The following CYP2C19 variants were observed in gnomAD, a reference collection of about 807,000 sequenced individuals.
The protein encoded by CYP2C19 is cytochrome P450 2C19.
CYP2C19 carries 59 observed loss-of-function variants against 40.9 expected under a neutral mutation model. The observed-to-expected ratio is 1.44, with a 90% confidence interval of 1.17 to 1.79. CYP2C19 has a LOEUF of 1.79. Ranked by LOEUF, CYP2C19 falls within the 40% of genes most tolerant of loss-of-function variation. CYP2C19 has a pLI of 0.00. For synonymous variants in CYP2C19, 253 were observed against 208.7 expected (o/e 1.21, Z -1.83); for missense variants, 754 against 596.9 (o/e 1.26, Z -2.74).
chr10:94,796,549 G>T (rs954074870), intron 5 of CYP2C19, among the ~76,000 whole-genome samples: 23 of 152,086 alleles, frequency 1.5e-4, no homozygotes, highest in Non-Finnish European at 3.1e-4. Context: ...TTGGTATCTT[G>T]ATGGGGATGG....
At chr10:94,840,689 T>G (rs1380676441) in intron 6 of CYP2C19, among the ~76,000 whole-genome samples, 1 of 152,216 alleles carries the variant, frequency 6.6e-6, no homozygotes, top group Non-Finnish European at 1.5e-5. Flanking sequence ...GGCTGCGCCA[T>G]GATCTCAACC....
chr10:94,847,129 A>G (rs572405648), intron 7 of CYP2C19, among the ~76,000 whole-genome samples: 5 of 151,992 alleles, frequency 3.3e-5, no homozygotes, highest in Non-Finnish European at 7.4e-5. Context: ...CACAACGTGC[A>G]GGTTAGTTAC....
At chr10:94,837,096 G>T (rs1054361835) in intron 6 of CYP2C19, among the ~76,000 whole-genome samples, 2 of 152,166 alleles carry the variant, frequency 1.3e-5, no homozygotes, top group African/African-American at 4.8e-5. Context: ...GCTTCCTCTG[G>T]TATTTGGGAA....
rs180996688 is a variant in CYP2C19 at position 94,822,956 on chromosome 10, T to G, written c.961+2319T>G. Among the ~76,000 whole-genome samples, 240 of 152,274 alleles carry G rather than the reference T, an allele frequency of 1.6e-3. 1 individual carries two copies. Among genetic ancestry groups the G allele is most frequent in the Non-Finnish European group, 2.7e-3 (187 of 68,016 alleles). On this transcript the variant is annotated intron_variant, in intron 6 of 8. Coordinates refer to ENST00000371321, the MANE Select transcript of CYP2C19 (RefSeq NM_000769.4). The stretch of plus-strand genomic sequence containing the variant: ...TTTTGCTTGTTAATTTGTTTTAGTT[T>G]TTTATAGATTTGGGATATTAGCTGT...
At chr10:94,788,387 T>C (rs1848569651) in intron 5 of CYP2C19, among the ~76,000 whole-genome samples, 1 of 152,078 alleles carries the variant, frequency 6.6e-6, no homozygotes, top group Admixed American at 6.6e-5. Context: ...AGTAGAAGGA[T>C]GGGTATTTTT....
chr10:94,851,697 T>C (rs1849657161), intron 8 of CYP2C19, among the ~76,000 whole-genome samples: 1 of 152,056 alleles, frequency 6.6e-6, no homozygotes, highest in Non-Finnish European at 1.5e-5. Context: ...TGTATCCTCA[T>C]GTGGCAGAAG....
intron 1 of CYP2C19, among the ~76,000 whole-genome samples, chr10:94,770,534 A>G (rs1589817403): frequency 1.3e-5 from 2 of 152,156 alleles, no homozygotes; most frequent in Non-Finnish European, 2.9e-5. Flanking sequence ...TGAGGTTGCC[A>G]GTTTTAATAA....
At chr10:94,828,600 G>A (rs1236728823) in intron 6 of CYP2C19, among the ~76,000 whole-genome samples, 1 of 149,004 alleles carries the variant, frequency 6.7e-6, no homozygotes, top group South Asian at 2.2e-4. Flanking sequence ...ACACTGATGG[G>A]TCTTGACTCT....
In CYP2C19 at chr10:94,855,354, G is replaced by T. The variant is rs1286418231; in HGVS notation, c.*2440G>T. Among the ~76,000 whole-genome samples the T allele has an allele frequency of 6.6e-6, 1 of 152,158 alleles. No individual in the cohort carries two copies. The highest frequency in any genetic ancestry group is 2.4e-5 in the African/African-American group (1 of 41,430). On this transcript the variant is annotated 3_prime_UTR_variant, in exon 9 of 9. Coordinates refer to ENST00000371321, the MANE Select transcript of CYP2C19 (RefSeq NM_000769.4). ...TTTTTAAGTGTCAGAGCCAACAATT[G>T]GACAAGGGCAATCTGACTGGAAAGT...
chr10:94,838,362 C>A (rs2134283260), intron 6 of CYP2C19, among the ~76,000 whole-genome samples: 1 of 152,278 alleles, frequency 6.6e-6, no homozygotes, highest in Admixed American at 6.5e-5. Flanking sequence ...GCAATTCTCT[C>A]ATTTGGGGTT....
chr10:94,777,189 A>T (rs183116015), intron 3 of CYP2C19, among the ~76,000 whole-genome samples: 159 of 152,244 alleles, frequency 1.0e-3, no homozygotes, highest in Non-Finnish European at 1.8e-3. Context: ...ATGCTCATGA[A>T]TAGTAAGAAT....
chr10:94,827,414 T>A lies in CYP2C19; in HGVS notation c.961+6777T>A, dbSNP rs577814512. On this transcript the variant is annotated intron_variant, in intron 6 of 8. Transcript: ENST00000371321. ...GGGAGAGTGTATGTGTCGAGGAATG[T>A]ATCCATTTCTTCTAGATTTTCTAGT... 2.0e-5 allele frequency among the ~76,000 whole-genome samples: 3 copies of A among 152,020 alleles called. No individual in the cohort carries two copies. In the South Asian group the frequency reaches 6.2e-4, roughly 31 times the overall value.
At chr10:94,809,356 T>G (rs1000531277) in intron 5 of CYP2C19, among the ~76,000 whole-genome samples, 1 of 152,140 alleles carries the variant, frequency 6.6e-6, no homozygotes, top group African/African-American at 2.4e-5. Context: ...GAGGGGTAGT[T>G]TTCAATTATT....
intron 5 of CYP2C19, among the ~76,000 whole-genome samples, chr10:94,793,945 C>T (rs1005504463): frequency 1.3e-5 from 2 of 152,140 alleles, no homozygotes; most frequent in African/African-American, 4.8e-5. Flanking sequence ...TCAGCTATGC[C>T]CTGCCCCCAA....
intron 6 of CYP2C19, among the ~76,000 whole-genome samples, chr10:94,840,288 G>T (rs999912581): frequency 2.8e-5 from 4 of 142,958 alleles, no homozygotes; most frequent in Non-Finnish European, 3.0e-5. Flanking sequence ...CTCCCTCTTT[G>T]TCTCTCTCTC....
intron 6 of CYP2C19, among the ~76,000 whole-genome samples, chr10:94,823,871 T>C (rs1853209): frequency 1 from 151,989 of 152,308 alleles, 75,835 homozygotes; most frequent in South Asian, 1. Flanking sequence ...TCAGACCTCA[T>C]ATAGGACAAT....
intron 8 of CYP2C19, among the ~76,000 whole-genome samples, 181 bp from the exon 9 acceptor site, chr10:94,852,552 C>G (rs539966322): frequency 1.3e-5 from 2 of 152,188 alleles, no homozygotes; most frequent in Non-Finnish European, 2.9e-5. Context: ...ATCCATTAAT[C>G]CTTCCACCCA....
intron 5 of CYP2C19, among the ~76,000 whole-genome samples, chr10:94,793,578 A>C (rs550115188): frequency 1.7e-4 from 26 of 152,132 alleles, no homozygotes; most frequent in Non-Finnish European, 3.5e-4. Context: ...TCCTTCTAAT[A>C]GTCAGGACTC....
chr10:94,788,475 C>A (rs1217254243), intron 5 of CYP2C19, among the ~76,000 whole-genome samples: 2 of 152,058 alleles, frequency 1.3e-5, no homozygotes, highest in Non-Finnish European at 2.9e-5. Flanking sequence ...TATATACGCA[C>A]CATGGTGGTT....
Sources: allele counts gnomAD v4.1 joint callset (sites outside exome capture counted in the v4.1 genomes callset), GRCh38; gene constraint gnomAD v4.1.1; transcripts MANE v1.5; gene names NCBI Gene and HGNC (gene_info 2026-07-23, HGNC 2026-07-21).